Variants in XKR9 observed in about 807,000 individuals in gnomAD.
XKR9 encodes the protein XK related 9.
Under a neutral mutation model 32.0 loss-of-function variants are expected in XKR9, and 32 were observed. The observed-to-expected ratio is 1.00, with a 90% CI of 0.76 to 1.34. XKR9 has a LOEUF of 1.34. Among genes scored for constraint, XKR9 ranks in the 40% most tolerant of loss-of-function variants. The pLI is 0.00. For missense variants in XKR9, 546 were observed against 429.7 expected, an observed-to-expected ratio of 1.27 and a Z score of -2.39; for synonymous variants, 168 against 143.4, an observed-to-expected ratio of 1.17 and a Z score of -1.22.
chr8:71,017,943 A>T, the XKR9 span, among the ~76,000 whole-genome samples: 1 of 152,202 alleles, frequency 6.6e-6, no homozygotes, highest in East Asian at 1.9e-4. Flanking sequence ...GAATATGTGA[A>T]CTAAATAGGC....
intron 2 of XKR9, among the ~76,000 whole-genome samples, chr8:70,767,050 T>G (rs990595552): frequency 2.6e-5 from 4 of 152,236 alleles, no homozygotes; most frequent in African/African-American, 9.6e-5. Context: ...GATATTGTCC[T>G]GAAATTTTCT....
At chr8:70,787,863 T>G (rs971641142) in intron 2 of XKR9, among the ~76,000 whole-genome samples, 9 of 152,108 alleles carry the variant, frequency 5.9e-5, no homozygotes, top group African/African-American at 1.7e-4. Context: ...AAAGGATTAT[T>G]AAGGTATTTG....
In XKR9 at chr8:70,706,936, T is replaced by C; in HGVS notation, c.276T>C (p.Tyr92=). ...HCLQGGVFTR[Y]WFALKRGYHA... ...AATGTTTATGTTTACTTTATAGGTA[T>C]TGGTTTGCCTTAAAAAGGGGTTACC... The change falls in exon 4 of 5, where the codon TAT becomes TAC. Residue 92 remains tyrosine, a synonymous_variant. Coordinates refer to ENST00000408926, the MANE Select transcript of XKR9 (RefSeq NM_001011720.2). 1 of 1,609,642 alleles carries C rather than the reference T, an allele frequency of 6.2e-7. No individual in the cohort carries two copies. The highest frequency in any genetic ancestry group is 1.1e-5 in the South Asian group (1 of 90,764).
chr8:71,009,209 G>A, the XKR9 span, among the ~76,000 whole-genome samples: 1 of 152,208 alleles, frequency 6.6e-6, no homozygotes, highest in Non-Finnish European at 1.5e-5. Flanking sequence ...TCTATAGCAA[G>A]CTAGTTTAAC....
intron 4 of XKR9, among the ~76,000 whole-genome samples, chr8:70,713,755 A>G (rs1447081103): frequency 6.6e-6 from 1 of 152,164 alleles, no homozygotes; most frequent in Non-Finnish European, 1.5e-5. Context: ...AGTATAGGAG[A>G]AAGGTAAAGC....
the XKR9 span, among the ~76,000 whole-genome samples, chr8:70,944,776 T>C: frequency 2.2e-4 from 33 of 152,340 alleles, no homozygotes; most frequent in African/African-American, 7.5e-4. Context: ...GAGAAGATCA[T>C]ACAAGGCCGT....
the XKR9 span, among the ~76,000 whole-genome samples, chr8:71,027,947 T>A: frequency 0.43 from 65,131 of 150,964 alleles, 15,094 homozygotes; most frequent in Non-Finnish European, 0.52. Flanking sequence ...TTAAAAAAAA[T>A]TTTTTTTGTA....
chr8:70,707,795 A>G (rs1429422139), intron 4 of XKR9, among the ~76,000 whole-genome samples: 1 of 152,030 alleles, frequency 6.6e-6, no homozygotes, highest in African/African-American at 2.4e-5. Context: ...TTTACAGTAG[A>G]TTTGTTTGTT....
downstream of XKR9, among the ~76,000 whole-genome samples, chr8:70,794,567 A>AT (rs1296966754): frequency 1.3e-5 from 2 of 151,886 alleles, no homozygotes; most frequent in Non-Finnish European, 1.5e-5. Flanking sequence ...GAGTTGATGG[A>AT]TTTTTTCAAA....
chr8:71,020,827 C>T, the XKR9 span, among the ~76,000 whole-genome samples: 3 of 152,164 alleles, frequency 2.0e-5, no homozygotes, highest in Non-Finnish European at 4.4e-5. Flanking sequence ...TATTATCACC[C>T]TACTTTGCTA....
chr8:70,876,950 A>G, the XKR9 span, among the ~76,000 whole-genome samples: 1 of 152,174 alleles, frequency 6.6e-6, no homozygotes, highest in Non-Finnish European at 1.5e-5. Context: ...CATAAATTTT[A>G]TTATCATTGC....
chr8:70,797,209 G>A, the XKR9 span, among the ~76,000 whole-genome samples: 1 of 151,902 alleles, frequency 6.6e-6, no homozygotes, highest in Non-Finnish European at 1.5e-5. Context: ...TGAGGGGTGT[G>A]CGCACACACA....
At chr8:70,847,204 T>C in the XKR9 span, among the ~76,000 whole-genome samples, 5 of 151,908 alleles carry the variant, frequency 3.3e-5, no homozygotes, top group African/African-American at 1.2e-4. Context: ...GGGAACAGTA[T>C]AAATACTTGG....
chr8:70,775,094 A>G (rs1307095591), intron 2 of XKR9, among the ~76,000 whole-genome samples: 1 of 152,064 alleles, frequency 6.6e-6, no homozygotes, highest in Non-Finnish European at 1.5e-5. Context: ...TACTGTAAAT[A>G]GTATTATTTT....
At chr8:70,849,403 T>G in the XKR9 span, among the ~76,000 whole-genome samples, 18 of 152,328 alleles carry the variant, frequency 1.2e-4, no homozygotes, top group African/African-American at 4.3e-4. Context: ...CATAAATAAG[T>G]TCTTTGAAAC....
the XKR9 span, among the ~76,000 whole-genome samples, chr8:70,892,348 G>A: frequency 3.3e-5 from 5 of 152,052 alleles, no homozygotes; most frequent in South Asian, 8.3e-4. Context: ...CTGTTTTATT[G>A]TTTATCATTA....
chr8:70,707,037 A>C lies in XKR9; in HGVS notation c.377A>C (p.Asp126Ala), dbSNP rs61734027. Residue 126 changes from aspartate (D) to alanine (A), a missense_variant, in exon 4 of 5, where the codon GAT (aspartate) becomes GCT (alanine). Asp to Ala is a moderately radical substitution (Grantham distance 126, BLOSUM62 -2). Transcript: ENST00000408926. ...ATTGATCTACATAAAGAAGTTATAG[A>C]TAGAGTGACTGATTTGAGCATGCTC... ...EQIDLHKEVIDRVTDLSMLRL... is the reference protein window; with the variant it reads ...EQIDLHKEVIARVTDLSMLRL... 6.2e-7 allele frequency: 1 copy of C among 1,613,432 alleles called. No individual in the cohort carries two copies. The highest frequency in any genetic ancestry group is 8.5e-7 in the Non-Finnish European group (1 of 1,179,498).
chr8:70,838,222 G>C, the XKR9 span, among the ~76,000 whole-genome samples: 1 of 152,082 alleles, frequency 6.6e-6, no homozygotes, highest in Non-Finnish European at 1.5e-5. Context: ...ATCCAGTGCA[G>C]AACGATTTTA....
chr8:70,882,100 A>G, the XKR9 span, among the ~76,000 whole-genome samples: 2 of 151,226 alleles, frequency 1.3e-5, no homozygotes, highest in East Asian at 3.9e-4. Context: ...ACATCACACA[A>G]TGGGGCCTGT....
Sources: gnomAD v4.1 joint callset for allele counts (sites outside exome capture counted in the v4.1 genomes callset) on GRCh38, gnomAD v4.1.1 for gene constraint, MANE v1.5 for transcripts, NCBI Gene and HGNC (gene_info 2026-07-23, HGNC 2026-07-21) for gene names.